The following ATAD1 variants were observed in gnomAD, a reference collection of about 807,000 sequenced individuals.
ATAD1 encodes ATPase family AAA domain containing 1.
A neutral mutation model predicts 42.7 loss-of-function variants in ATAD1; 18 were observed. The ratio of observed to expected loss-of-function variants is 0.42; its 90% CI spans 0.29 to 0.63. The LOEUF is 0.63. ATAD1 is among the 20% of genes least tolerant of loss of function. The pLI is 0.19. For synonymous variants in ATAD1, 132 were observed against 143.1 expected, an observed-to-expected ratio of 0.92 and a Z score of 0.55; for missense variants, 294 against 440.4, an observed-to-expected ratio of 0.67 and a Z score of 2.98.
chr10:87,805,184 C>G (rs1473103008), intron 2 of ATAD1, among the ~76,000 whole-genome samples: 1 of 152,182 alleles, frequency 6.6e-6, no homozygotes, highest in African/African-American at 2.4e-5. Flanking sequence ...CCACAAAAGT[C>G]ACACCTTCCT....
chr10:87,792,656 C>G lies in ATAD1; in HGVS notation c.261+1G>C. ...TCTTAAATAAGATTAAAGATACATACATGCATATTAAGAGGGTCTACAAGA... is the reference window on the plus strand; with the variant it reads ...TCTTAAATAAGATTAAAGATACATAGATGCATATTAAGAGGGTCTACAAGA... On this transcript the variant is annotated splice_donor_variant, in intron 3 of 9. Coordinates refer to ENST00000680024, the MANE Select transcript of ATAD1 (RefSeq NM_001321967.2). LOFTEE classifies it high-confidence loss of function. 1 of 1,098,280 alleles carries G rather than the reference C, an allele frequency of 9.1e-7. No individual in the cohort carries two copies. Among genetic ancestry groups the G allele is most frequent in the Non-Finnish European group, 1.3e-6 (1 of 765,618 alleles). 68.0% of individuals were successfully genotyped at this position (1,098,280 alleles called of 1,614,324 possible).
At chr10:87,769,850 G>C (rs2131810594) in intron 7 of ATAD1, among the ~76,000 whole-genome samples, 1 of 152,228 alleles carries the variant, frequency 6.6e-6, no homozygotes, top group South Asian at 2.1e-4. Flanking sequence ...GGAGGCTGAG[G>C]CGGGCTCGCT....
At chr10:87,779,657 A>C (rs12783598) in intron 5 of ATAD1, among the ~76,000 whole-genome samples, 44,631 of 152,118 alleles carry the variant, frequency 0.29, 6,757 homozygotes, top group Non-Finnish European at 0.31. Context: ...TCAAAATGGG[A>C]AAAACATTTG....
intron 2 of ATAD1, among the ~76,000 whole-genome samples, chr10:87,811,367 A>G (rs1857175227): frequency 6.6e-6 from 1 of 152,094 alleles, no homozygotes; most frequent in African/African-American, 2.4e-5. Flanking sequence ...ATAAAACAAG[A>G]TTTTTAAAAA....
intron 2 of ATAD1, among the ~76,000 whole-genome samples, chr10:87,809,697 C>T (rs1202504763): frequency 2.0e-5 from 3 of 151,440 alleles, no homozygotes; most frequent in African/African-American, 7.3e-5. Flanking sequence ...TCTCTTGTTG[C>T]CCAGGCTGGA....
At chr10:87,813,763 G>T (rs181582063) in intron 2 of ATAD1, among the ~76,000 whole-genome samples, 73 of 151,706 alleles carry the variant, frequency 4.8e-4, no homozygotes, top group African/African-American at 1.6e-3. Context: ...GATAAATTAT[G>T]TTATTATACC....
chr10:87,840,203 G>T (rs1175331537), intron 1 of ATAD1, among the ~76,000 whole-genome samples: 1 of 152,182 alleles, frequency 6.6e-6, no homozygotes, highest in Admixed American at 6.5e-5. Flanking sequence ...ATAATTTCAG[G>T]CTGGATGCAG....
chr10:87,796,234 C>T (rs987539936), intron 2 of ATAD1, among the ~76,000 whole-genome samples: 2 of 152,086 alleles, frequency 1.3e-5, no homozygotes, highest in African/African-American at 2.4e-5. Flanking sequence ...TGGCTTTGTA[C>T]TGTAAAAGGA....
At chr10:87,799,543 G>A (rs1856579763) in intron 2 of ATAD1, among the ~76,000 whole-genome samples, 1 of 152,186 alleles carries the variant, frequency 6.6e-6, no homozygotes, top group East Asian at 1.9e-4. Context: ...ACAGCTTGGA[G>A]GTTAGAAGCA....
intron 2 of ATAD1, among the ~76,000 whole-genome samples, chr10:87,794,125 G>A (rs1001530168): frequency 1.3e-5 from 2 of 152,084 alleles, no homozygotes; most frequent in Non-Finnish European, 2.9e-5. Context: ...GAGGCTGAGG[G>A]AGGAGGATTA....
intron 6 of ATAD1, among the ~76,000 whole-genome samples, chr10:87,775,589 G>A (rs1211946089): frequency 2.1e-5 from 3 of 144,904 alleles, no homozygotes; most frequent in African/African-American, 7.6e-5. Context: ...AAACAAACAT[G>A]CCAGATTAAC....
At chr10:87,784,382 G>T in intron 5 of ATAD1, 88 bp downstream of exon 5, 1 of 1,204,312 alleles carries the variant, frequency 8.3e-7, no homozygotes, top group South Asian at 1.3e-5. Flanking sequence ...TATTAACATG[G>T]CCTAATAAAT....
intron 2 of ATAD1, among the ~76,000 whole-genome samples, chr10:87,801,836 C>T (rs1856711854): frequency 2.0e-5 from 3 of 152,158 alleles, no homozygotes; most frequent in Admixed American, 2.0e-4. Flanking sequence ...GAAAAACTTT[C>T]AGGACTCACA....
At chr10:87,788,883 C>T (rs148595290) in intron 4 of ATAD1, among the ~76,000 whole-genome samples, 19 of 151,854 alleles carry the variant, frequency 1.3e-4, no homozygotes, top group Admixed American at 5.2e-4. Flanking sequence ...GTTTTTTTTG[C>T]GGCAGGGGGG....
At chr10:87,796,758 C>T (rs1013132332) in intron 2 of ATAD1, among the ~76,000 whole-genome samples, 3 of 152,174 alleles carry the variant, frequency 2.0e-5, no homozygotes, top group Non-Finnish European at 4.4e-5. Context: ...AATATCCTAT[C>T]GGAGCTTGAC....
chr10:87,785,381 TA>T (rs963687546), intron 4 of ATAD1, among the ~76,000 whole-genome samples: 6 of 149,250 alleles, frequency 4.0e-5, no homozygotes, highest in African/African-American at 7.3e-5. Flanking sequence ...AAATATATAA[TA>T]ATACTAAATA....
intron 6 of ATAD1, among the ~76,000 whole-genome samples, chr10:87,774,912 G>A (rs1376905701): frequency 3.3e-5 from 5 of 151,984 alleles, no homozygotes; most frequent in African/African-American, 9.7e-5. Context: ...CCATGTTCAC[G>A]CCACTGCATT....
intron 4 of ATAD1, among the ~76,000 whole-genome samples, chr10:87,787,844 A>G (rs1855910531): frequency 6.6e-6 from 1 of 152,208 alleles, no homozygotes; most frequent in Admixed American, 6.5e-5. Flanking sequence ...CAGAAAATCT[A>G]TTTTTAAAAT....
At chr10:87,820,770 C>A (rs901064931), upstream of ATAD1, among the ~76,000 whole-genome samples, 1 of 152,180 alleles carries the variant, frequency 6.6e-6, no homozygotes, top group African/African-American at 2.4e-5. Context: ...CCGTAAGAAA[C>A]CTTCCATGTC....
Sources: gnomAD v4.1 joint callset for allele counts (sites outside exome capture counted in the v4.1 genomes callset) on GRCh38, gnomAD v4.1.1 for gene constraint, MANE v1.5 for transcripts, NCBI Gene and HGNC (gene_info 2026-07-23, HGNC 2026-07-21) for gene names.